Variants in CCDC63 observed in about 807,000 individuals in gnomAD.
The protein encoded by CCDC63 is coiled-coil domain-containing protein 63.
In CCDC63, 54 loss-of-function variants were observed where a neutral mutation model predicts 63.6. The observed-to-expected ratio is 0.85, with a 90% CI of 0.68 to 1.07. The LOEUF (loss-of-function observed/expected upper bound fraction) is 1.07, where lower values mean the gene tolerates loss of function less well. CCDC63 is among the 50% of genes least tolerant of loss of function. The probability of loss-of-function intolerance (pLI) is 0.00; values close to 1 mark genes in which losing one functional copy is unlikely to be tolerated. For synonymous variants in CCDC63, 253 were observed against 266.1 expected (o/e 0.95, Z 0.48); for missense variants, 637 against 689.6 (o/e 0.92, Z 0.86).
intron 10 of CCDC63, among the ~76,000 whole-genome samples, chr12:110,900,546 C>A (rs1165247352): frequency 6.6e-6 from 1 of 152,012 alleles, no homozygotes; most frequent in Admixed American, 6.6e-5. Context: ...CTGCATAGAT[C>A]CTGACAATTT....
In CCDC63 at chr12:110,907,252, G is replaced by A. The variant is rs1355266290; in HGVS notation, c.1547-79G>A. 1 of 1,459,310 alleles carries A rather than the reference G, an allele frequency of 6.9e-7. No homozygotes were observed. Among genetic ancestry groups the A allele is most frequent in the Admixed American group, 1.8e-5 (1 of 54,168 alleles). The allele number at this position is 1,459,310 out of a possible 1,614,324, so 90.4% of individuals were successfully genotyped here. A position where few individuals can be genotyped will look rare whatever the true frequency, so the allele number is the denominator to read the frequency against. On this transcript the variant is annotated intron_variant, in intron 11 of 11. Coordinates refer to ENST00000308208, the MANE Select transcript of CCDC63 (RefSeq NM_152591.3). This position sits in a 1 kb window ranked among gnomAD's most constrained non-coding sequence, Gnocchi z 4.4. ...TCCATGCTCCACTCCCCAGTGCTATGGAGGGACGCCAAACCAGGCTTAGCC... is the reference window on the plus strand; with the variant it reads ...TCCATGCTCCACTCCCCAGTGCTATAGAGGGACGCCAAACCAGGCTTAGCC...
rs1475442947 is a variant in CCDC63, at chr12:110,858,147, TAAAATAAAATA to T, written c.180-434_180-424del. Among the ~76,000 whole-genome samples the T allele has an allele frequency of 1.0e-4, 12 of 116,706 alleles. 1 individual carries two copies. The highest frequency in any genetic ancestry group is 1.6e-4 in the Non-Finnish European group (8 of 50,834). 76.6% of individuals were successfully genotyped at this position (116,706 alleles called of 152,430 possible). A position where few individuals can be genotyped will look rare whatever the true frequency, so the allele number is the denominator to read the frequency against. ...TAAAATAAAATAAAATAAAATAAAA[TAAAATAAAATA>T]AAAAATAAAATAAATAAAATAAAAT... On this transcript the variant is annotated intron_variant, in intron 3 of 11. Transcript: ENST00000308208.
rs1380524678 is a variant in CCDC63 at position 110,868,306 on chromosome 12, C to T, written c.370-5536C>T. ...CAGACGATGGGCAGCCAGGCAGAGA[C>T]GCTCCTCACTTCCCAGACGGGGTGG... On this transcript the variant is annotated intron_variant, in intron 4 of 11. Transcript: ENST00000308208. Among the ~76,000 whole-genome samples the T allele has an allele frequency of 8.3e-5, 11 of 132,706 alleles. No homozygotes were observed. In the South Asian group the frequency reaches 1.4e-3, roughly 16 times the overall value. The allele number at this position is 132,706 out of a possible 152,430, so 87.1% of individuals were successfully genotyped here. A position where few individuals can be genotyped will look rare whatever the true frequency, so the allele number is the denominator to read the frequency against.
At chr12:110,898,909 G>T (rs749141071) in intron 9 of CCDC63, 24 bp from the exon 10 acceptor site, 9 of 1,554,280 alleles carry the variant, frequency 5.8e-6, no homozygotes, top group Non-Finnish European at 7.9e-6. Context: ...TCCTGAGCAG[G>T]TGGGAATTGG....
chr12:110,853,005 G>A, intron 2 of CCDC63, 42 bp downstream of exon 2: 2 of 1,601,948 alleles, frequency 1.2e-6, no homozygotes, highest in Non-Finnish European at 1.7e-6. Flanking sequence ...CCTACTATGG[G>A]GTCAGGCACT....
intron 4 of CCDC63, among the ~76,000 whole-genome samples, chr12:110,867,662 GCCCC>G (rs1566122186): frequency 8.5e-5 from 8 of 93,942 alleles, no homozygotes; most frequent in African/African-American, 1.4e-4. Context: ...GGGCAGAGGC[GCCCC>G]TCACCTCCCA....
At position 110,904,754 on chromosome 12, in the gene CCDC63, G is replaced by T. The variant is rs34300256; in HGVS notation, c.1509G>T (p.Val503=). The T allele has an allele frequency of 0.23, 374,715 of 1,613,278 alleles. 46,754 individuals are homozygous for T. The highest frequency in any genetic ancestry group is 0.31 in the Admixed American group (18,873 of 59,948). The stretch of plus-strand genomic sequence containing the variant: ...AACCCATCAAAGTCATCCCCCCAGT[G>T]CTGGGGGCTGACCCCTTCAGCGACA... The part of the protein sequence containing the change: ...PPEPIKVIPP[V]LGADPFSDRL... Residue 503 remains valine (V), a synonymous_variant, in exon 11 of 12, where the codon GTG becomes GTT. Coordinates refer to ENST00000308208, the MANE Select transcript of CCDC63 (RefSeq NM_152591.3).
intron 4 of CCDC63, among the ~76,000 whole-genome samples, chr12:110,872,991 T>C (rs763141495): frequency 3.4e-4 from 52 of 152,180 alleles, no homozygotes; most frequent in Non-Finnish European, 5.7e-4. Flanking sequence ...CCCAGCACTT[T>C]GGGATGCTGA....
chr12:110,905,955 T>TATAAAATATATATTATATTA (rs36176121), intron 11 of CCDC63, among the ~76,000 whole-genome samples: 2 of 6,990 alleles, frequency 2.9e-4, no homozygotes, highest in African/African-American at 1.2e-3. Flanking sequence ...TATTATATTA[T>TATAAAATATATATTATATTA]TATAATATAT....
intron 10 of CCDC63, among the ~76,000 whole-genome samples, chr12:110,903,972 C>T (rs550938388): frequency 6.6e-6 from 1 of 152,266 alleles, no homozygotes; most frequent in Admixed American, 6.5e-5. Flanking sequence ...ACATATTTTC[C>T]TAATTGCCCT....
At chr12:110,905,858 GTA>G (rs1237099919) in intron 11 of CCDC63, among the ~76,000 whole-genome samples, 5 of 82,924 alleles carry the variant, frequency 6.0e-5, no homozygotes, top group Admixed American at 3.8e-4. Flanking sequence ...ATGTGTGTGT[GTA>G]TGTGTATATA....
chr12:110,897,254 G>A (rs1438135627), intron 9 of CCDC63, among the ~76,000 whole-genome samples: 1 of 149,780 alleles, frequency 6.7e-6, no homozygotes, highest in African/African-American at 2.5e-5. Flanking sequence ...GGGCAACATG[G>A]TAAGAACTTG....
chr12:110,865,687 G>T lies in CCDC63; in HGVS notation c.369+6912G>T, dbSNP rs558304938. On this transcript the variant is annotated intron_variant, in intron 4 of 11. Coordinates refer to ENST00000308208, the MANE Select transcript of CCDC63 (RefSeq NM_152591.3). ...TCTTCTCTAACAGATTTCTGACTTTGTTCAAGCTGGTCTTGTGCCCAGCTA... is the reference window on the plus strand; with the variant it reads ...TCTTCTCTAACAGATTTCTGACTTTTTTCAAGCTGGTCTTGTGCCCAGCTA... 3.9e-5 allele frequency among the ~76,000 whole-genome samples: 6 copies of T among 152,244 alleles called. No homozygotes were observed. The South Asian group carries it at 1.0e-3, about 26-fold the overall frequency.
Position 110,852,847 on chromosome 12 carries a change from C to T in CCDC63, c.-96-12C>T. On this transcript the variant is annotated splice_polypyrimidine_tract_variant and intron_variant, in intron 1 of 11. Transcript: ENST00000308208. ...GGCTTACAAGTTCTCTTCCTTTTGC[C>T]ACCATGAACAGGGCATTGCAGAGAG... 1 of 1,577,220 alleles carries T rather than the reference C, an allele frequency of 6.3e-7. No individual in the cohort carries two copies. Among genetic ancestry groups the T allele is most frequent in the Non-Finnish European group, 8.7e-7 (1 of 1,147,068 alleles).
chr12:110,872,909 T>C (rs1017798657), intron 4 of CCDC63, among the ~76,000 whole-genome samples: 6 of 152,196 alleles, frequency 3.9e-5, no homozygotes, highest in Admixed American at 3.9e-4. Flanking sequence ...AAATTTTCTG[T>C]ACCTAGAATC....
intron 8 of CCDC63, among the ~76,000 whole-genome samples, chr12:110,888,097 C>T (rs932137994): frequency 6.6e-6 from 1 of 152,224 alleles, no homozygotes; most frequent in African/African-American, 2.4e-5. Context: ...TCCCTCTTCG[C>T]TCACAGAGAC....
chr12:110,902,019 T>C (rs534987709), intron 10 of CCDC63, among the ~76,000 whole-genome samples: 34 of 152,164 alleles, frequency 2.2e-4, no homozygotes, highest in Admixed American at 5.9e-4. Context: ...TTAATAGAGA[T>C]GGGGTTTCAC....
intron 5 of CCDC63, among the ~76,000 whole-genome samples, chr12:110,877,678 C>T (rs1406583140): frequency 6.6e-6 from 1 of 151,170 alleles, no homozygotes; most frequent in Non-Finnish European, 1.5e-5. Flanking sequence ...GTTTTATTCT[C>T]TATCTCTGTA....
intron 1 of CCDC63, among the ~76,000 whole-genome samples, chr12:110,849,386 G>T (rs952800974): frequency 2.6e-5 from 4 of 152,246 alleles, no homozygotes; most frequent in African/African-American, 9.6e-5. Flanking sequence ...TAGGTGTGAC[G>T]GTGATATTTC....
Sources: allele counts gnomAD v4.1 joint callset (sites outside exome capture counted in the v4.1 genomes callset), GRCh38; gene constraint gnomAD v4.1.1; non-coding constraint Gnocchi (gnomAD v3.1); transcripts MANE v1.5; gene names NCBI Gene and HGNC (gene_info 2026-07-23, HGNC 2026-07-21).